The following REV1 variants were observed in gnomAD, a reference collection of about 807,000 sequenced individuals.
REV1 encodes the protein translesion synthesis protein REV1.
A neutral mutation model predicts 137.4 loss-of-function variants in REV1; 42 were observed. The ratio of observed to expected loss-of-function variants is 0.31; its 90% CI spans 0.24 to 0.40. The LOEUF (loss-of-function observed/expected upper bound fraction) is 0.40. Among genes scored for constraint, REV1 ranks in the 10% least tolerant of loss-of-function variants. The pLI, the probability that REV1 is intolerant of heterozygous loss-of-function variation, is 1.00. For missense variants in REV1, 1,282 were observed against 1,490.1 expected, an observed-to-expected ratio of 0.86 and a Z score of 2.30; for synonymous variants, 524 against 519.2, an observed-to-expected ratio of 1.01 and a Z score of -0.12.
Position 99,467,262 on chromosome 2 carries a change from TA to T in REV1, c.-10-2278del, listed in dbSNP as rs75976155. ...ACAGTTATAATACAAAAACAAAAAT[TA>T]AAAAAAAAAACAGCTATTAAGGGTT... On this transcript the variant is annotated intron_variant, in intron 1 of 22. Coordinates refer to ENST00000258428, the MANE Select transcript of REV1 (RefSeq NM_016316.4). Among the ~76,000 whole-genome samples, 104 of 143,328 alleles carry T rather than the reference TA, an allele frequency of 7.3e-4. No individual in the cohort carries two copies. In the East Asian group the frequency reaches 0.011, roughly 15 times the overall value. The allele number at this position is 143,328 out of a possible 152,430, so 94.0% of individuals were successfully genotyped here.
chr2:99,404,522 G>T lies in REV1; in HGVS notation c.2967C>A (p.Val989=), dbSNP rs1453316489. The T allele has an allele frequency of 5.6e-6, 9 of 1,614,056 alleles. No individual in the cohort carries two copies. The highest frequency in any genetic ancestry group is 7.6e-6 in the Non-Finnish European group (9 of 1,180,028). ...TGILPQPVGT[V]LLQIPEPQES... The stretch of plus-strand genomic sequence containing the variant: ...CTTGAGGTTCTGGTATTTGCAACAA[G>T]ACTGTCCCAACTGGTTGTGGCAAAA... Residue 989 remains valine (V), a synonymous_variant, in exon 18 of 23, where the codon GTC becomes GTA. Coordinates refer to ENST00000258428, the MANE Select transcript of REV1 (RefSeq NM_016316.4).
In REV1 at chr2:99,418,864, C is replaced by A; in HGVS notation, c.1915G>T (p.Asp639Tyr). 2.5e-6 allele frequency: 4 copies of A among 1,612,876 alleles called. No homozygotes were observed. Among genetic ancestry groups the A allele is most frequent in the Non-Finnish European group, 3.4e-6 (4 of 1,179,060 alleles). ...GTCACTAGCTGGCCTCTGATAAAAT[C>A]ATCTACTTCTTCTGGTTTTAGGTGG... ...QYHLKPEEVD[D>Y]FIRGQLVTNL... Residue 639 changes from aspartate (D) to tyrosine (Y), a missense_variant, in exon 12 of 23, where the codon GAT (aspartate) becomes TAT (tyrosine). By Grantham distance (160) the Asp-to-Tyr change is radical. Around this residue, in one of 7 missense-constraint regions of REV1, gnomAD observed 372 missense variants for 482.3 expected, o/e 0.77. Transcript: ENST00000258428.
Position 99,408,041 on chromosome 2 carries a change from T to C in REV1, c.2436A>G (p.Ser812=). ...NMFHTMKLNI[S]DMRGVGIHVN... ...ACTATATACTTACCCCTCTCATATCTGATATATTTAGTTTCATTGTATGAA... is the reference window on the plus strand; with the variant it reads ...ACTATATACTTACCCCTCTCATATCCGATATATTTAGTTTCATTGTATGAA... Residue 812 remains serine, a synonymous_variant, in exon 15 of 23, where the codon TCA becomes TCG. Transcript: ENST00000258428. 6.3e-7 allele frequency: 1 copy of C among 1,580,284 alleles called. No homozygotes were observed. Among genetic ancestry groups the C allele is most frequent in the East Asian group, 2.3e-5 (1 of 44,236 alleles).
intron 4 of REV1, among the ~76,000 whole-genome samples, chr2:99,445,430 T>C (rs1008254119): frequency 6.6e-6 from 1 of 152,196 alleles, no homozygotes; most frequent in Non-Finnish European, 1.5e-5. Context: ...TCACGGGATA[T>C]ACAAATATAA....
At chr2:99,481,706 C>A (rs957089910) in intron 1 of REV1, among the ~76,000 whole-genome samples, 3 of 151,804 alleles carry the variant, frequency 2.0e-5, no homozygotes, top group African/African-American at 7.3e-5. Flanking sequence ...CACACACACA[C>A]ACAAAAATTT....
rs1292706497 is a variant in REV1, at chr2:99,439,126, G to C, written c.688C>G (p.Pro230Ala). 2 of 1,614,052 alleles carry C rather than the reference G, an allele frequency of 1.2e-6. No individual in the cohort carries two copies. The highest frequency in any genetic ancestry group is 2.7e-5 in the African/African-American group (2 of 74,938). ...GSTAIFNGHT[P>A]SSNGALKTQD... ...GTCTTTAAGGCACCATTAGAGCTAG[G>C]AGTGTGTCCATTAAAAATGGCAGTG... is the stretch of plus-strand genomic sequence containing the variant. The change falls in exon 6 of 23, where the codon CCT becomes GCT. Residue 230 changes from proline to alanine, a missense_variant. Physicochemically the swap from Pro to Ala is conservative, Grantham distance 27 (BLOSUM62 -1). Coordinates refer to ENST00000258428, the MANE Select transcript of REV1 (RefSeq NM_016316.4).
In REV1 at chr2:99,402,576, GTT is replaced by G. The variant is rs1675622470; in HGVS notation, c.3541+66_3541+67del. 30 of 1,457,822 alleles carry G rather than the reference GTT, an allele frequency of 2.1e-5. 1 individual carries two copies. The South Asian group carries it at 3.6e-4, about 18-fold the overall frequency. The allele number at this position is 1,457,822 out of a possible 1,614,324, so 90.3% of individuals were successfully genotyped here. Reference sequence around the variant, plus strand: ...GGGTTAAATCTGCATAGTTTAGTCTGTTTATGTTCTCAAATCATGAGACGACT... The same window carrying G: ...GGGTTAAATCTGCATAGTTTAGTCTGTATGTTCTCAAATCATGAGACGACT... On this transcript the variant is annotated intron_variant, in intron 21 of 22. Transcript: ENST00000258428.
rs746034453 is a variant in REV1 at position 99,406,116 on chromosome 2, G to T, written c.2615-10C>A. The T allele has an allele frequency of 1.0e-5, 16 of 1,602,740 alleles. No homozygotes were observed. Among genetic ancestry groups the T allele is most frequent in the African/African-American group, 1.3e-5 (1 of 74,168 alleles). ...ACAGCAGCCCGAAATACTACAAAAA[G>T]AAAATATATAAAATAGCCTCTTCAG... On this transcript the variant is annotated splice_polypyrimidine_tract_variant and intron_variant, in intron 16 of 22. Coordinates refer to ENST00000258428, the MANE Select transcript of REV1 (RefSeq NM_016316.4).
chr2:99,449,847 T>C (rs1300358105), intron 3 of REV1, among the ~76,000 whole-genome samples: 2 of 152,178 alleles, frequency 1.3e-5, no homozygotes, highest in Non-Finnish European at 2.9e-5. Context: ...TGATATTGTG[T>C]TTTTAAAAAT....
chr2:99,401,333 C>G lies in REV1; in HGVS notation c.3664G>C (p.Glu1222Gln). The G allele has an allele frequency of 6.2e-7, 1 of 1,613,112 alleles. No homozygotes were observed. Among genetic ancestry groups the G allele is most frequent in the Non-Finnish European group, 8.5e-7 (1 of 1,179,318 alleles). The change falls in exon 23 of 23, where the codon GAA becomes CAA. Residue 1222 changes from glutamate (E) to glutamine (Q), a missense_variant. By Grantham distance (29) the Glu-to-Gln change is conservative. Around this residue, in one of 7 missense-constraint regions of REV1, gnomAD observed 43 missense variants for 79.1 expected, o/e 0.54. Coordinates refer to ENST00000258428, the MANE Select transcript of REV1 (RefSeq NM_016316.4). ...YMKRLMQQSV[E>Q]SVWNMAFDFI... ...TCAAATGCCATATTCCAAACCGATT[C>G]CACCGATTGCTGCATCAGCCTAAAG...
chr2:99,480,886 T>A (rs1227848120), intron 1 of REV1, among the ~76,000 whole-genome samples: 1 of 152,218 alleles, frequency 6.6e-6, no homozygotes, highest in African/African-American at 2.4e-5. Flanking sequence ...TACAACATGC[T>A]ACATTCTTCA....
intron 4 of REV1, among the ~76,000 whole-genome samples, chr2:99,448,835 C>T (rs1311490433): frequency 6.6e-6 from 1 of 152,208 alleles, no homozygotes; most frequent in Non-Finnish European, 1.5e-5. Flanking sequence ...CCTGAGTCAT[C>T]ACCCCTAATT....
intron 9 of REV1, among the ~76,000 whole-genome samples, chr2:99,428,126 G>A (rs975763143): frequency 6.6e-6 from 1 of 152,128 alleles, no homozygotes; most frequent in African/African-American, 2.4e-5. Flanking sequence ...TAAAGGGAGA[G>A]ACCCTGCAGA....
intron 1 of REV1, among the ~76,000 whole-genome samples, chr2:99,472,909 T>A (rs1237503457): frequency 6.6e-6 from 1 of 152,212 alleles, no homozygotes; most frequent in East Asian, 1.9e-4. Flanking sequence ...GATATAAAAA[T>A]ACAGCTGTTT....
intron 1 of REV1, among the ~76,000 whole-genome samples, chr2:99,478,944 A>G (rs569873712): frequency 9.2e-5 from 14 of 152,328 alleles, no homozygotes; most frequent in African/African-American, 3.4e-4. Flanking sequence ...AAGGTTATAT[A>G]CAGTAGAGAG....
intron 8 of REV1, chr2:99,431,778 C>G: frequency 1.0e-6 from 1 of 985,430 alleles, no homozygotes; most frequent in Non-Finnish European, 1.2e-6. Flanking sequence ...GGTCCCTCCA[C>G]GAGCGGAGTG....
chr2:99,413,542 C>CT (rs68114401), intron 12 of REV1, among the ~76,000 whole-genome samples: 5 of 151,404 alleles, frequency 3.3e-5, no homozygotes, highest in African/African-American at 1.2e-4. Flanking sequence ...AGAAGACAGA[C>CT]TTTTTTTTTA....
At chr2:99,415,521 T>C (rs1286442984) in intron 12 of REV1, among the ~76,000 whole-genome samples, 1 of 152,244 alleles carries the variant, frequency 6.6e-6, no homozygotes, top group African/African-American at 2.4e-5. Flanking sequence ...AGGAGTGCTG[T>C]TCAACTGAAC....
chr2:99,476,755 T>A (rs953245561), intron 1 of REV1, among the ~76,000 whole-genome samples: 1 of 152,138 alleles, frequency 6.6e-6, no homozygotes, highest in Non-Finnish European at 1.5e-5. Flanking sequence ...CAAGTCCCAG[T>A]ACAAATGCTG....
Sources: gnomAD v4.1 joint callset for allele counts (sites outside exome capture counted in the v4.1 genomes callset) on GRCh38, gnomAD v4.1.1 for gene constraint, gnomAD v4.1.1 regional missense constraint, MANE v1.5 for transcripts, NCBI Gene and HGNC (gene_info 2026-07-23, HGNC 2026-07-21) for gene names.